GRIK1: variants seen among roughly 807,000 people sequenced by gnomAD.
GRIK1 encodes glutamate receptor ionotropic, kainate 1.
In GRIK1, 69 loss-of-function variants were observed where a neutral mutation model predicts 105.7. That is an observed-to-expected ratio of 0.65 (90% CI 0.54 to 0.80). GRIK1 has a LOEUF of 0.80. GRIK1 is among the 30% of genes least tolerant of loss of function. GRIK1 has a pLI of 0.00. For synonymous variants in GRIK1, 438 were observed against 431.3 expected, an observed-to-expected ratio of 1.02 and a Z score of -0.19; for missense variants, 1,109 against 1,167.3, an observed-to-expected ratio of 0.95 and a Z score of 0.73.
Position 29,581,526 on chromosome 21 carries a change from C to A in GRIK1, c.1811G>T (p.Trp604Leu). Residue 604 changes from tryptophan to leucine, a missense_variant, in exon 13 of 18, where the codon TGG (tryptophan) becomes TTG (leucine). This residue lies in a region of GRIK1 where 264 missense variants were observed against 306.9 expected (regional missense o/e 0.86). Transcript: ENST00000327783. ...FVIARFTPYE[W>L]YNPHPCNPDS... ...AGGGTTGCATGGGTGGGGGTTATAC[C>A]ACTCGTAGGGTGTAAACCTGTGGTA... 2 of 1,599,338 alleles carry A rather than the reference C, an allele frequency of 1.3e-6. No homozygotes were observed. The highest frequency in any genetic ancestry group is 1.1e-5 in the South Asian group (1 of 90,782).
chr21:29,604,223 T>A (rs1317665601), intron 7 of GRIK1, among the ~76,000 whole-genome samples: 1 of 152,182 alleles, frequency 6.6e-6, no homozygotes, highest in East Asian at 1.9e-4. Flanking sequence ...TTTCTCCTGC[T>A]CATCCAAGTG....
intron 1 of GRIK1, among the ~76,000 whole-genome samples, chr21:29,702,712 AAAAACAAACAAG>A (rs1168518708): frequency 3.9e-5 from 6 of 152,296 alleles, no homozygotes; most frequent in East Asian, 3.9e-4. Context: ...CTCCATCTCA[AAAAACAAACAAG>A]AAAACAAACA....
At chr21:29,559,936 C>T (rs2090350003) in intron 15 of GRIK1, among the ~76,000 whole-genome samples, 1 of 152,094 alleles carries the variant, frequency 6.6e-6, no homozygotes, top group African/African-American at 2.4e-5. Flanking sequence ...TGTAATTTTC[C>T]ATAATTGCCA....
At chr21:29,576,715 T>C (rs2090903454) in intron 14 of GRIK1, among the ~76,000 whole-genome samples, 1 of 152,138 alleles carries the variant, frequency 6.6e-6, no homozygotes, top group East Asian at 1.9e-4. Context: ...TATTGATCTA[T>C]GGATCTGAGT....
At chr21:29,664,619 A>G (rs903969289) in intron 4 of GRIK1, among the ~76,000 whole-genome samples, 15 of 152,276 alleles carry the variant, frequency 9.9e-5, no homozygotes, top group African/African-American at 3.4e-4. Context: ...ACGGGCCAAA[A>G]AAAAAAATCT....
At chr21:29,670,543 C>G (rs1162756554) in intron 4 of GRIK1, among the ~76,000 whole-genome samples, 1 of 152,260 alleles carries the variant, frequency 6.6e-6, no homozygotes, top group Non-Finnish European at 1.5e-5. Context: ...CCACCATACA[C>G]TGTTCTTGCC....
intron 1 of GRIK1, among the ~76,000 whole-genome samples, chr21:29,841,966 T>C (rs2067995464): frequency 6.6e-6 from 1 of 152,150 alleles, no homozygotes; most frequent in Non-Finnish European, 1.5e-5. Context: ...TTTGACTTAA[T>C]TGTTGACTCT....
chr21:29,706,237 C>T (rs1020109129), intron 1 of GRIK1, among the ~76,000 whole-genome samples: 1 of 152,144 alleles, frequency 6.6e-6, no homozygotes, highest in African/African-American at 2.4e-5. Context: ...ATTTCTGTTT[C>T]AGCATTTGAA....
intron 1 of GRIK1, among the ~76,000 whole-genome samples, chr21:29,848,385 C>T (rs532530968): frequency 6.6e-6 from 1 of 152,212 alleles, no homozygotes; most frequent in Non-Finnish European, 1.5e-5. Context: ...TTATGTTTTC[C>T]AACCTGTGCT....
intron 1 of GRIK1, among the ~76,000 whole-genome samples, chr21:29,809,444 G>T (rs1245657692): frequency 6.6e-6 from 1 of 152,168 alleles, no homozygotes; most frequent in African/African-American, 2.4e-5. Flanking sequence ...TGTCACCTGA[G>T]CCTTCAGCAA....
At chr21:29,609,613 T>C (rs189838220) in intron 7 of GRIK1, among the ~76,000 whole-genome samples, 1 of 152,184 alleles carries the variant, frequency 6.6e-6, no homozygotes, top group Non-Finnish European at 1.5e-5. Flanking sequence ...CTAAGAAGAA[T>C]GAAAGGTGAA....
chr21:29,702,217 G>A (rs1165433121), intron 1 of GRIK1, among the ~76,000 whole-genome samples: 1 of 152,104 alleles, frequency 6.6e-6, no homozygotes, highest in Non-Finnish European at 1.5e-5. Context: ...CTTGGGTGAT[G>A]AAATTATCTG....
chr21:29,786,234 G>A (rs1601693704), intron 1 of GRIK1, among the ~76,000 whole-genome samples: 1 of 152,136 alleles, frequency 6.6e-6, no homozygotes, highest in Non-Finnish European at 1.5e-5. Flanking sequence ...TGATCCGCCC[G>A]CCTCAGCCTC....
At chr21:29,720,827 C>T (rs1172299844) in intron 1 of GRIK1, among the ~76,000 whole-genome samples, 1 of 152,100 alleles carries the variant, frequency 6.6e-6, no homozygotes, top group Non-Finnish European at 1.5e-5. Context: ...TTATTTTACA[C>T]AAGCAGATAA....
At chr21:29,596,297 ATATTTAATCCATAAT>A (rs2061410975) in intron 9 of GRIK1, 1 of 663,480 alleles carries the variant, frequency 1.5e-6, no homozygotes, top group Non-Finnish European at 2.8e-6. Context: ...CTTGGGGGAA[ATATTTAATCCATAAT>A]TATTTAATCC....
intron 1 of GRIK1, among the ~76,000 whole-genome samples, chr21:29,772,051 C>A (rs1286390875): frequency 6.6e-6 from 1 of 152,220 alleles, no homozygotes. Flanking sequence ...TTCGTTGGAA[C>A]TTGCCATTTT....
chr21:29,767,333 C>A (rs2065692624), intron 1 of GRIK1, among the ~76,000 whole-genome samples: 1 of 152,120 alleles, frequency 6.6e-6, no homozygotes, highest in Non-Finnish European at 1.5e-5. Flanking sequence ...CTATACATTA[C>A]AGCCTCTTAA....
intron 14 of GRIK1, 87 bp from the exon 15 acceptor site, chr21:29,561,936 A>C (rs2090491280): frequency 1.2e-5 from 9 of 736,880 alleles, no homozygotes; most frequent in Middle Eastern, 2.3e-4. Context: ...GGTTCAAATA[A>C]TGATAGGGAG....
At chr21:29,609,118 TA>T (rs150243376) in intron 7 of GRIK1, among the ~76,000 whole-genome samples, 10,425 of 149,422 alleles carry the variant, frequency 0.07, 724 homozygotes, top group African/African-American at 0.16. Context: ...ATAAATAAGA[TA>T]AAAAGGTATT....
Sources: allele counts gnomAD v4.1 joint callset (sites outside exome capture counted in the v4.1 genomes callset), GRCh38; gene constraint gnomAD v4.1.1; regional missense constraint gnomAD v4.1.1; transcripts MANE v1.5; gene names NCBI Gene and HGNC (gene_info 2026-07-23, HGNC 2026-07-21).